The following MITF variants were observed in gnomAD, a reference collection of about 807,000 sequenced individuals.
MITF encodes melanocyte inducing transcription factor.
A neutral mutation model predicts 60.5 loss-of-function variants in MITF; 17 were observed. The ratio of observed to expected loss-of-function variants is 0.28; its 90% CI spans 0.19 to 0.42. The LOEUF (loss-of-function observed/expected upper bound fraction) is 0.42, where lower values mean the gene tolerates loss of function less well. MITF is among the 10% of genes least tolerant of loss of function. MITF has a pLI of 1.00. For synonymous variants in MITF, 260 were observed against 248.5 expected (o/e 1.05, Z -0.43); for missense variants, 622 against 683.5 (o/e 0.91, Z 1.00).
chr3:69,888,413 C>CTTTTTTTT (rs199920801), intron 2 of MITF, among the ~76,000 whole-genome samples: 6 of 141,876 alleles, frequency 4.2e-5, no homozygotes, highest in African/African-American at 5.1e-5. Flanking sequence ...TTCTTTTTTT[C>CTTTTTTTT]TTTTTTTTTT....
chr3:69,798,897 A>T lies in MITF; in HGVS notation c.104+59196A>T, dbSNP rs113462391. Among the ~76,000 whole-genome samples the T allele has an allele frequency of 4.4e-3, 663 of 152,298 alleles. 6 individuals carry two copies. The highest frequency in any genetic ancestry group is 0.015 in the African/African-American group (615 of 41,562). ...CTTGTTAATACACTCATAGGTCCTG[A>T]TACATCACCTTCATTTTGCCTTGTA... is the stretch of plus-strand genomic sequence containing the variant. On this transcript the variant is annotated intron_variant, in intron 1 of 9. Coordinates refer to ENST00000352241, the MANE Select transcript of MITF (RefSeq NM_001354604.2).
chr3:69,947,389 G>A (rs1173380533), intron 5 of MITF, among the ~76,000 whole-genome samples: 1 of 152,188 alleles, frequency 6.6e-6, no homozygotes, highest in African/African-American at 2.4e-5. Context: ...TTTGAAACAT[G>A]TGAGTGCCTT....
intron 9 of MITF, among the ~76,000 whole-genome samples, chr3:69,960,350 T>C (rs980171274): frequency 3.3e-5 from 5 of 152,170 alleles, no homozygotes; most frequent in African/African-American, 1.2e-4. Flanking sequence ...CTAATTTTAT[T>C]AATATGTGCC....
At chr3:69,844,193 G>C (rs2063690199) in intron 1 of MITF, among the ~76,000 whole-genome samples, 1 of 152,118 alleles carries the variant, frequency 6.6e-6, no homozygotes, top group Admixed American at 6.5e-5. Flanking sequence ...GAACAGTGCT[G>C]CAATAAACAT....
chr3:69,954,628 T>C (rs1045203481), intron 7 of MITF, among the ~76,000 whole-genome samples: 1 of 152,146 alleles, frequency 6.6e-6, no homozygotes, highest in Non-Finnish European at 1.5e-5. Flanking sequence ...AATTTTATGA[T>C]TATTATGTGC....
At chr3:69,794,703 C>T (rs2062799927) in intron 1 of MITF, among the ~76,000 whole-genome samples, 1 of 152,150 alleles carries the variant, frequency 6.6e-6, no homozygotes, top group Non-Finnish European at 1.5e-5. Flanking sequence ...GTAGCTACTG[C>T]CCAGGTCAAG....
intron 2 of MITF, among the ~76,000 whole-genome samples, chr3:69,883,670 A>G (rs530372060): frequency 1.3e-5 from 2 of 152,136 alleles, no homozygotes; most frequent in Non-Finnish European, 2.9e-5. Flanking sequence ...TACAGACCCT[A>G]AATAGCATCA....
chr3:69,900,661 A>T (rs1229160477), intron 2 of MITF, among the ~76,000 whole-genome samples: 1 of 152,212 alleles, frequency 6.6e-6, no homozygotes, highest in African/African-American at 2.4e-5. Context: ...AGAAAGCAGC[A>T]TGGGTAAATA....
At chr3:69,878,760 A>G (rs2064412187) in intron 1 of MITF, among the ~76,000 whole-genome samples, 1 of 152,180 alleles carries the variant, frequency 6.6e-6, no homozygotes, top group African/African-American at 2.4e-5. Context: ...AAAGCAAATC[A>G]AGCAATTTAT....
At chr3:69,857,480 C>T (rs1002217998) in intron 1 of MITF, among the ~76,000 whole-genome samples, 2 of 151,498 alleles carry the variant, frequency 1.3e-5, no homozygotes, top group African/African-American at 4.8e-5. Context: ...TCTCTTCTCT[C>T]CTCCTTCCTC....
At chr3:69,833,290 TTGTATGTGGTTGTTTCCCTGTTTACAC>T (rs2063482261) in intron 1 of MITF, among the ~76,000 whole-genome samples, 1 of 151,852 alleles carries the variant, frequency 6.6e-6, no homozygotes, top group Admixed American at 6.6e-5. Flanking sequence ...TCTGTTTACA[TTGTATGTGGTTGTTTCCCTGTTTACAC>T]TGTATGTGGT....
chr3:69,844,743 C>G (rs897288900), intron 1 of MITF, among the ~76,000 whole-genome samples: 3 of 150,990 alleles, frequency 2.0e-5, no homozygotes, highest in African/African-American at 7.3e-5. Context: ...GGCTAATATC[C>G]AGAATCTACA....
chr3:69,860,622 ATT>A (rs2063999730), intron 1 of MITF, among the ~76,000 whole-genome samples: 1 of 151,324 alleles, frequency 6.6e-6, no homozygotes, highest in African/African-American at 2.4e-5. Context: ...AAAAAAAAAA[ATT>A]CACTTTAGAC....
intron 1 of MITF, chr3:69,763,487 G>A (rs536491108): frequency 2.8e-6 from 3 of 1,077,120 alleles, no homozygotes; most frequent in Admixed American, 5.3e-5. Flanking sequence ...TAAGTAGGCA[G>A]CAATTACTGG....
At chr3:69,889,536 C>T (rs1426998379) in intron 2 of MITF, among the ~76,000 whole-genome samples, 3 of 149,974 alleles carry the variant, frequency 2.0e-5, no homozygotes, top group Admixed American at 1.3e-4. Context: ...TTTTATTTAA[C>T]CCAAAATATC....
At chr3:69,927,543 T>A (rs935484352) in intron 2 of MITF, among the ~76,000 whole-genome samples, 9 of 151,840 alleles carry the variant, frequency 5.9e-5, no homozygotes, top group African/African-American at 1.9e-4. Context: ...AAAAAAAAAA[T>A]AAATTTGATA....
intron 5 of MITF, among the ~76,000 whole-genome samples, chr3:69,944,221 G>A (rs1006256259): frequency 1.3e-5 from 2 of 152,042 alleles, no homozygotes; most frequent in Non-Finnish European, 2.9e-5. Context: ...GATTAATTTA[G>A]CATTTATGGA....
intron 1 of MITF, chr3:69,866,349 A>C (rs1410472750): frequency 6.2e-7 from 1 of 1,613,608 alleles, no homozygotes; most frequent in African/African-American, 1.3e-5. Flanking sequence ...TTGTATCTGT[A>C]AGTGAAGTTT....
Position 69,924,298 on chromosome 3 carries a change from C to T in MITF, c.355-13524C>T, listed in dbSNP as rs566834511. ...GAATCCATAATCAATTCATGCAACA[C>T]CAAGTCAGATCTCTTAGAAGAAAAT... On this transcript the variant is annotated intron_variant, in intron 2 of 9. Transcript: ENST00000352241. Among the ~76,000 whole-genome samples the T allele has an allele frequency of 1.6e-3, 241 of 152,260 alleles. 2 individuals are homozygous for T. Among genetic ancestry groups the T allele is most frequent in the African/African-American group, 5.6e-3 (233 of 41,546 alleles).
Sources: allele counts gnomAD v4.1 joint callset (sites outside exome capture counted in the v4.1 genomes callset), GRCh38; gene constraint gnomAD v4.1.1; transcripts MANE v1.5; gene names NCBI Gene and HGNC (gene_info 2026-07-23, HGNC 2026-07-21).